The following ARHGAP25 variants were observed in gnomAD, a reference collection of about 807,000 sequenced individuals.
ARHGAP25 encodes the protein Rho GTPase activating protein 25.
ARHGAP25 carries 34 observed loss-of-function variants against 71.0 expected under a neutral mutation model. The observed-to-expected ratio is 0.48, with a 90% CI of 0.36 to 0.64. The LOEUF is 0.64. Among genes scored for constraint, ARHGAP25 ranks in the 30% least tolerant of loss-of-function variants. The probability of loss-of-function intolerance (pLI) is 0.00; values close to 1 mark genes in which losing one functional copy is unlikely to be tolerated. For missense variants in ARHGAP25, 706 were observed against 805.1 expected (o/e 0.88, Z 1.49); for synonymous variants, 282 against 296.5 (o/e 0.95, Z 0.50).
At chr2:68,823,295 A>C (rs1008043160) in intron 10 of ARHGAP25, among the ~76,000 whole-genome samples, 4 of 133,384 alleles carry the variant, frequency 3.0e-5, no homozygotes, top group African/African-American at 1.1e-4. Flanking sequence ...CTGCACTTAC[A>C]GAACTTCTAG....
intron 2 of ARHGAP25, among the ~76,000 whole-genome samples, chr2:68,779,196 C>T (rs1339521895): frequency 6.6e-6 from 1 of 152,080 alleles, no homozygotes. Context: ...ATGGGAGAGC[C>T]GATTGAAGGG....
chr2:68,804,196 G>A (rs1558649472), intron 4 of ARHGAP25, among the ~76,000 whole-genome samples: 2 of 152,184 alleles, frequency 1.3e-5, no homozygotes, highest in Non-Finnish European at 2.9e-5. Context: ...CAAATCATCT[G>A]CAAGGTGGAG....
At chr2:68,781,682 A>G (rs899619789) in intron 2 of ARHGAP25, among the ~76,000 whole-genome samples, 7 of 152,144 alleles carry the variant, frequency 4.6e-5, no homozygotes, top group African/African-American at 1.4e-4. Context: ...AAGCTTTCTG[A>G]TCTCTTTTCT....
intron 2 of ARHGAP25, among the ~76,000 whole-genome samples, chr2:68,715,869 G>C (rs1208699789): frequency 6.6e-6 from 1 of 152,196 alleles, no homozygotes; most frequent in East Asian, 1.9e-4. Context: ...CAGCTCTCTG[G>C]GTAGGCTGGG....
intron 2 of ARHGAP25, among the ~76,000 whole-genome samples, chr2:68,781,743 G>A (rs1321269993): frequency 1.3e-5 from 2 of 152,164 alleles, no homozygotes; most frequent in African/African-American, 2.4e-5. Flanking sequence ...CTGCTGGAAG[G>A]ACTACATGAA....
At chr2:68,779,928 C>T (rs1678200451) in intron 2 of ARHGAP25, among the ~76,000 whole-genome samples, 1 of 152,250 alleles carries the variant, frequency 6.6e-6, no homozygotes, top group African/African-American at 2.4e-5. Context: ...TAGTCATTTA[C>T]ACCTTGGTGT....
chr2:68,718,297 C>T (rs532679895), intron 2 of ARHGAP25, among the ~76,000 whole-genome samples: 7 of 152,286 alleles, frequency 4.6e-5, no homozygotes, highest in Non-Finnish European at 8.8e-5. Flanking sequence ...ATCATTTTCT[C>T]ACCTTTCCCA....
chr2:68,736,644 G>A (rs1396345701), intron 1 of ARHGAP25, among the ~76,000 whole-genome samples: 1 of 152,126 alleles, frequency 6.6e-6, no homozygotes, highest in African/African-American at 2.4e-5. Flanking sequence ...TACCACACTA[G>A]AGCTCAAGAC....
chr2:68,743,518 A>G (rs1350003476), intron 1 of ARHGAP25, among the ~76,000 whole-genome samples: 1 of 152,170 alleles, frequency 6.6e-6, no homozygotes, highest in African/African-American at 2.4e-5. Flanking sequence ...TTGTGCATGC[A>G]TTCTTCCTCT....
At position 68,818,373 on chromosome 2, in the gene ARHGAP25, G is replaced by A. The variant is rs145936621; in HGVS notation, c.1003+379G>A. On this transcript the variant is annotated intron_variant, in intron 8 of 10. Coordinates refer to ENST00000409202, the MANE Select transcript of ARHGAP25 (RefSeq NM_001007231.3). ...GTTGGAGCCTCACTCTGTTGCCTAGGCTGGAGTGCAGTGGTGCAAACTTAG... is the reference window on the plus strand; with the variant it reads ...GTTGGAGCCTCACTCTGTTGCCTAGACTGGAGTGCAGTGGTGCAAACTTAG... 9.3e-4 allele frequency among the ~76,000 whole-genome samples: 142 copies of A among 152,296 alleles called. 3 individuals are homozygous for A. In the East Asian group the frequency reaches 9.6e-3, roughly 10 times the overall value.
intron 1 of ARHGAP25, among the ~76,000 whole-genome samples, chr2:68,762,102 A>G (rs942538941): frequency 6.6e-6 from 1 of 152,202 alleles, no homozygotes; most frequent in Non-Finnish European, 1.5e-5. Flanking sequence ...AATCTTGAGG[A>G]CATTATGCTA....
chr2:68,760,999 A>G (rs902909199), intron 1 of ARHGAP25, among the ~76,000 whole-genome samples: 3 of 152,070 alleles, frequency 2.0e-5, no homozygotes, highest in Non-Finnish European at 4.4e-5. Context: ...TAATGGCATA[A>G]AGACAGAAAC....
chr2:68,772,488 A>G (rs908542051), intron 1 of ARHGAP25, among the ~76,000 whole-genome samples: 3 of 152,208 alleles, frequency 2.0e-5, no homozygotes, highest in African/African-American at 7.2e-5. Flanking sequence ...GAGGCTACTG[A>G]AGTGGGGGAG....
intron 1 of ARHGAP25, among the ~76,000 whole-genome samples, chr2:68,754,138 T>G (rs1245403669): frequency 6.6e-6 from 1 of 152,056 alleles, no homozygotes; most frequent in Non-Finnish European, 1.5e-5. Flanking sequence ...CTCCTGACCA[T>G]TTTGAACTGC....
chr2:68,814,631 A>C (rs533815453), intron 6 of ARHGAP25, among the ~76,000 whole-genome samples: 1 of 152,206 alleles, frequency 6.6e-6, no homozygotes, highest in African/African-American at 2.4e-5. Context: ...TCTGCTTCAT[A>C]GAATATATTT....
chr2:68,718,059 G>A (rs1674660825), intron 2 of ARHGAP25, among the ~76,000 whole-genome samples: 1 of 151,890 alleles, frequency 6.6e-6, no homozygotes, highest in African/African-American at 2.4e-5. Context: ...ACTACCAGCT[G>A]TGAACACTCA....
intron 5 of ARHGAP25, among the ~76,000 whole-genome samples, chr2:68,809,329 G>T (rs1157863440): frequency 6.6e-6 from 1 of 152,060 alleles, no homozygotes; most frequent in Non-Finnish European, 1.5e-5. Context: ...GGAAAGGAGG[G>T]GAGGGGCTTA....
intron 3 of ARHGAP25, among the ~76,000 whole-genome samples, chr2:68,786,751 GAA>G (rs2104399923): frequency 6.6e-6 from 1 of 152,324 alleles, no homozygotes; most frequent in East Asian, 1.9e-4. Context: ...AAGGGGATTT[GAA>G]AGTCTTTTCC....
intron 6 of ARHGAP25, among the ~76,000 whole-genome samples, chr2:68,814,140 G>A (rs1681030745): frequency 6.6e-6 from 1 of 152,202 alleles, no homozygotes; most frequent in African/African-American, 2.4e-5. Context: ...AGAAGTTGAT[G>A]TTTATATCGA....
Sources: gnomAD v4.1 joint callset for allele counts (sites outside exome capture counted in the v4.1 genomes callset) on GRCh38, gnomAD v4.1.1 for gene constraint, MANE v1.5 for transcripts, NCBI Gene and HGNC (gene_info 2026-07-23, HGNC 2026-07-21) for gene names.